The following GDA variants were observed in gnomAD, a reference collection of about 807,000 sequenced individuals.
The protein encoded by GDA is cytoplasmic PSD-95 interactor.
A neutral mutation model predicts 59.6 loss-of-function variants in GDA; 18 were observed. The ratio of observed to expected loss-of-function variants is 0.30; its 90% CI spans 0.21 to 0.45. GDA has a LOEUF of 0.45. Among genes scored for constraint, GDA ranks in the 20% least tolerant of loss-of-function variants. The probability of loss-of-function intolerance (pLI) is 1.00; values close to 1 mark genes in which losing one functional copy is unlikely to be tolerated. For synonymous variants in GDA, 201 were observed against 201.1 expected (o/e 1.00, Z 0.00); for missense variants, 427 against 552.3 (o/e 0.77, Z 2.27).
At chr9:72,187,921 T>A (rs751971482) in intron 1 of GDA, among the ~76,000 whole-genome samples, 38 of 152,210 alleles carry the variant, frequency 2.5e-4, no homozygotes, top group Admixed American at 1.4e-3. Context: ...AGAACTTGGC[T>A]GAAATGTGTC....
intron 1 of GDA, among the ~76,000 whole-genome samples, chr9:72,177,515 A>T (rs1022708408): frequency 6.6e-6 from 1 of 152,220 alleles, no homozygotes; most frequent in African/African-American, 2.4e-5. Flanking sequence ...TGTAATTAAA[A>T]TATTACATAT....
chr9:72,166,407 G>A (rs553310313), intron 1 of GDA, among the ~76,000 whole-genome samples: 7 of 150,226 alleles, frequency 4.7e-5, no homozygotes, highest in Non-Finnish European at 1.0e-4. Flanking sequence ...AGACTGGGAA[G>A]GATGTGTGGG....
At chr9:72,245,947 C>T (rs940886571) in intron 12 of GDA, among the ~76,000 whole-genome samples, 1 of 152,038 alleles carries the variant, frequency 6.6e-6, no homozygotes, top group African/African-American at 2.4e-5. Flanking sequence ...ATTGCCATTT[C>T]TAAATTGATC....
chr9:72,195,529 G>A lies in GDA; in HGVS notation c.153G>A (p.Gln51=). 1 of 1,570,872 alleles carries A rather than the reference G, an allele frequency of 6.4e-7. No individual in the cohort carries two copies. Among genetic ancestry groups the A allele is most frequent in the Non-Finnish European group, 8.7e-7 (1 of 1,147,472 alleles). ...TGTTTTTAGAAGAAGCATCTCAACA[G>A]GAAAAACTGGCCAAAGAATGGTGCT... ...KIVFLEEASQ[Q]EKLAKEWCFK... is the part of the protein sequence containing the mutation. Residue 51 remains glutamine, a synonymous_variant, in exon 2 of 14, where the codon CAG becomes CAA. Transcript: ENST00000358399.
chr9:72,212,514 C>G (rs1835513690), intron 4 of GDA, among the ~76,000 whole-genome samples: 1 of 151,844 alleles, frequency 6.6e-6, no homozygotes, highest in African/African-American at 2.4e-5. Flanking sequence ...AGTATGTTGC[C>G]TAGATAACCA....
rs1827452937 is a variant in GDA at position 72,153,273 on chromosome 9, G to A, written c.123+3591G>A. On this transcript the variant is annotated intron_variant, in intron 1 of 13. Coordinates refer to ENST00000358399, the MANE Select transcript of GDA (RefSeq NM_004293.5). ...GGCTTAGGATTGACTTGGTGATGCG[G>A]GCTCTTTTTTGGTTCCATATGAACT... 1.1e-4 allele frequency among the ~76,000 whole-genome samples: 17 copies of A among 152,084 alleles called. No homozygotes were observed. The South Asian group carries it at 3.5e-3, about 32-fold the overall frequency.
intron 1 of GDA, among the ~76,000 whole-genome samples, chr9:72,171,099 G>A (rs538810920): frequency 5.3e-5 from 8 of 152,158 alleles, no homozygotes; most frequent in African/African-American, 7.2e-5. Context: ...TTACAGGCGT[G>A]AGCCACCATC....
intron 1 of GDA, among the ~76,000 whole-genome samples, chr9:72,170,806 A>G (rs1204148738): frequency 7.4e-6 from 1 of 134,970 alleles, no homozygotes; most frequent in Non-Finnish European, 1.7e-5. Context: ...AGTGAGGCCA[A>G]TGAATTACTA....
chr9:72,250,307 G>T lies in GDA; in HGVS notation c.*1965G>T, dbSNP rs1840560071. The T allele has an allele frequency of 2.9e-6, 3 of 1,029,936 alleles. No individual in the cohort carries two copies. Among genetic ancestry groups the T allele is most frequent in the Non-Finnish European group, 3.5e-6 (3 of 858,552 alleles). The allele number at this position is 1,029,936 out of a possible 1,614,324, so 63.8% of individuals were successfully genotyped here. ...TCCTACACTTTTACCTTCTTTAAGG[G>T]TGTACATTTTGATGTTGAACATCAG... On this transcript the variant is annotated 3_prime_UTR_variant, in exon 14 of 14. Transcript: ENST00000358399.
At chr9:72,121,639 C>T (rs11795115) in intron 1 of GDA, among the ~76,000 whole-genome samples, 23,874 of 152,096 alleles carry the variant, frequency 0.16, 2,472 homozygotes, top group East Asian at 0.51. Context: ...TTGTGTTATT[C>T]TGCCCTTGTT....
chr9:72,245,490 T>C (rs531230839), intron 12 of GDA, among the ~76,000 whole-genome samples: 1 of 152,368 alleles, frequency 6.6e-6, no homozygotes, highest in East Asian at 1.9e-4. Flanking sequence ...TGAATGTGTT[T>C]GTGTATTTGA....
chr9:72,222,805 C>T (rs1021484744), intron 6 of GDA, among the ~76,000 whole-genome samples: 3 of 151,994 alleles, frequency 2.0e-5, no homozygotes, highest in East Asian at 3.9e-4. Context: ...CTCCTAGGTT[C>T]AAGCAGTTCC....
At chr9:72,184,504 G>A (rs532620398) in intron 1 of GDA, among the ~76,000 whole-genome samples, 12 of 152,246 alleles carry the variant, frequency 7.9e-5, no homozygotes, top group African/African-American at 2.2e-4. Flanking sequence ...ATGCATGTAA[G>A]ATTCTCTATG....
rs757160841 is a variant in GDA, at chr9:72,248,372, G to A, written c.*30G>A. ...CTCGGGCGTCTACAAAGTTCTCCTG[G>A]GATTAGCGTGGTTCTGCATCTCCCT... is the stretch of plus-strand genomic sequence containing the variant. On this transcript the variant is annotated 3_prime_UTR_variant, in exon 14 of 14. Coordinates refer to ENST00000358399, the MANE Select transcript of GDA (RefSeq NM_004293.5). 19 of 1,613,022 alleles carry A rather than the reference G, an allele frequency of 1.2e-5. No homozygotes were observed. In the East Asian group the frequency reaches 4.2e-4, roughly 36 times the overall value.
chr9:72,215,197 C>T (rs764417035), intron 5 of GDA, among the ~76,000 whole-genome samples: 12 of 152,000 alleles, frequency 7.9e-5, no homozygotes, highest in Non-Finnish European at 1.5e-4. Context: ...AAATAGTATA[C>T]AAGAAGTTAG....
At chr9:72,142,441 T>G (rs1826472714) in intron 1 of GDA, among the ~76,000 whole-genome samples, 1 of 151,440 alleles carries the variant, frequency 6.6e-6, no homozygotes, top group African/African-American at 2.4e-5. Context: ...GGTGTGGTGG[T>G]GGGAACCTGT....
rs112328355 is a variant in GDA at position 72,244,496 on chromosome 9, A to T, written c.1136-652A>T. Among the ~76,000 whole-genome samples, 122 of 152,286 alleles carry T rather than the reference A, an allele frequency of 8.0e-4. 1 individual carries two copies. The highest frequency in any genetic ancestry group is 3.4e-3 in the Middle Eastern group (1 of 294). On this transcript the variant is annotated intron_variant, in intron 11 of 13. Transcript: ENST00000358399. The stretch of plus-strand genomic sequence containing the variant: ...ACCATTCTTCTCTGGTGACCAGAAA[A>T]CCTTTGAGGTTGCAAAGAGATTGGT...
chr9:72,189,541 T>C (rs1383880378), intron 1 of GDA, among the ~76,000 whole-genome samples: 1 of 152,146 alleles, frequency 6.6e-6, no homozygotes, highest in East Asian at 1.9e-4. Flanking sequence ...ACTACTGGAA[T>C]GAGATGAATC....
chr9:72,128,388 A>C (rs1369099319), intron 1 of GDA, among the ~76,000 whole-genome samples: 1 of 152,052 alleles, frequency 6.6e-6, no homozygotes, highest in Non-Finnish European at 1.5e-5. Flanking sequence ...TCTTCTGAAA[A>C]ATTTTCTTTA....
Sources: gnomAD v4.1 joint callset for allele counts (sites outside exome capture counted in the v4.1 genomes callset) on GRCh38, gnomAD v4.1.1 for gene constraint, MANE v1.5 for transcripts, NCBI Gene and HGNC (gene_info 2026-07-23, HGNC 2026-07-21) for gene names.